The following DNAH12 variants were observed in gnomAD, a reference collection of about 807,000 sequenced individuals.
The protein encoded by DNAH12 is axonemal beta dynein heavy chain 12.
Under a neutral mutation model 371.5 loss-of-function variants are expected in DNAH12, and 285 were observed. That is an observed-to-expected ratio of 0.77 (90% CI 0.70 to 0.85). The LOEUF (loss-of-function observed/expected upper bound fraction) is 0.85, where lower values mean the gene tolerates loss of function less well. Ranked by LOEUF, DNAH12 falls within the 40% of genes least tolerant of loss-of-function variation. The pLI is 0.00. For missense variants in DNAH12, 3,611 were observed against 3,689.4 expected, an observed-to-expected ratio of 0.98 and a Z score of 0.55; for synonymous variants, 1,200 against 1,213.0, an observed-to-expected ratio of 0.99 and a Z score of 0.22.
chr3:57,405,504 A>T, intron 41 of DNAH12, 149 bp downstream of exon 41: 1 of 897,988 alleles, frequency 1.1e-6, no homozygotes, highest in Non-Finnish European at 1.7e-6. Flanking sequence ...TTTCCTATGA[A>T]GATAAATCTT....
intron 26 of DNAH12, 112 bp from the exon 27 acceptor site, chr3:57,446,382 C>T: frequency 7.0e-6 from 10 of 1,432,830 alleles, no homozygotes; most frequent in Admixed American, 2.7e-5. Flanking sequence ...AGTAAAAGTT[C>T]CAAGGATAAA....
At position 57,483,623 on chromosome 3, in the gene DNAH12, A is replaced by G; in HGVS notation, c.1515-112T>C. On this transcript the variant is annotated intron_variant, in intron 12 of 73. Coordinates refer to ENST00000495027, the MANE Select transcript of DNAH12 (RefSeq NM_001366028.2). ...ATAAGAACTATGATATCCTAAAAAA[A>G]TTGCTTGATTCACTAAGGTATCTTA... 8.1e-6 allele frequency: 10 copies of G among 1,238,182 alleles called. No individual in the cohort carries two copies. In the South Asian group the frequency reaches 1.7e-4, roughly 21 times the overall value. 76.7% of individuals were successfully genotyped at this position (1,238,182 alleles called of 1,614,324 possible).
At chr3:57,500,159 C>CA (rs1553711818) in intron 11 of DNAH12, among the ~76,000 whole-genome samples, 22 of 32,006 alleles carry the variant, frequency 6.9e-4, no homozygotes, top group Middle Eastern at 0.023. Flanking sequence ...TACTCCTCAG[C>CA]CCCCCCTAGT....
At chr3:57,297,970 A>C (rs908013400) in intron 70 of DNAH12, among the ~76,000 whole-genome samples, 3 of 152,226 alleles carry the variant, frequency 2.0e-5, no homozygotes, top group African/African-American at 4.8e-5. Flanking sequence ...TAGATACTTC[A>C]CAATCCATCC....
At chr3:57,506,344 A>C (rs2067758478) in intron 8 of DNAH12, among the ~76,000 whole-genome samples, 1 of 152,180 alleles carries the variant, frequency 6.6e-6, no homozygotes, top group South Asian at 2.1e-4. Flanking sequence ...GAAATTTACC[A>C]CTGTGGGAAT....
intron 25 of DNAH12, 53 bp from the exon 26 acceptor site, chr3:57,446,742 AAC>A (rs1190982763): frequency 2.2e-5 from 30 of 1,386,050 alleles, no homozygotes; most frequent in Non-Finnish European, 2.8e-5. Context: ...TTAAAAAAAC[AAC>A]AGACACTTGT....
chr3:57,412,671 A>T (rs936349976), intron 39 of DNAH12, among the ~76,000 whole-genome samples: 4 of 152,198 alleles, frequency 2.6e-5, no homozygotes, highest in African/African-American at 7.2e-5. Flanking sequence ...AGAGAGGGCA[A>T]ATAAACATAT....
Position 57,461,692 on chromosome 3 carries a change from A to G in DNAH12, c.2536-3T>C. On this transcript the variant is annotated splice_polypyrimidine_tract_variant and splice_region_variant and intron_variant, in intron 18 of 73. Transcript: ENST00000495027. ...ATGGCTTTCTCTAATGAAAATTCCTAAAACGGAGGAATGAAGAAAGAACGG... is the reference window on the plus strand; with the variant it reads ...ATGGCTTTCTCTAATGAAAATTCCTGAAACGGAGGAATGAAGAAAGAACGG... 6.5e-7 allele frequency: 1 copy of G among 1,548,802 alleles called. No homozygotes were observed. The highest frequency in any genetic ancestry group is 8.7e-7 in the Non-Finnish European group (1 of 1,145,836).
At chr3:57,511,074 T>G in intron 4 of DNAH12, 95 bp from the exon 5 acceptor site, 1 of 835,242 alleles carries the variant, frequency 1.2e-6, no homozygotes, top group Non-Finnish European at 1.7e-6. Flanking sequence ...TTTTTTCAGA[T>G]TAAAAATATT....
At chr3:57,425,691 A>G (rs1270201512) in intron 34 of DNAH12, among the ~76,000 whole-genome samples, 2 of 152,250 alleles carry the variant, frequency 1.3e-5, no homozygotes, top group African/African-American at 2.4e-5. Flanking sequence ...ACAATCGCAC[A>G]TAATACATTC....
At chr3:57,360,757 C>G (rs892872886) in intron 58 of DNAH12, among the ~76,000 whole-genome samples, 1,584 of 152,232 alleles carry the variant, frequency 0.01, 18 homozygotes, top group African/African-American at 0.036. Flanking sequence ...GGGAGCAGTG[C>G]AGAGATGATG....
At chr3:57,527,854 T>C (rs1398893153) in intron 2 of DNAH12, among the ~76,000 whole-genome samples, 1 of 152,204 alleles carries the variant, frequency 6.6e-6, no homozygotes, top group Non-Finnish European at 1.5e-5. Flanking sequence ...TGTTATTTCC[T>C]TTGCTGTGAG....
intron 35 of DNAH12, among the ~76,000 whole-genome samples, chr3:57,424,731 G>C (rs995497724): frequency 6.7e-6 from 1 of 149,704 alleles, no homozygotes; most frequent in African/African-American, 2.5e-5. Flanking sequence ...GTTGTATTAA[G>C]CTGAGATCAC....
intron 18 of DNAH12, 71 bp downstream of exon 18, chr3:57,462,619 C>T: frequency 6.7e-7 from 1 of 1,494,528 alleles, no homozygotes; most frequent in East Asian, 2.5e-5. Flanking sequence ...ACATTCAACC[C>T]CAACAAAAAC....
At chr3:57,317,579 C>T (rs935903074) in intron 65 of DNAH12, among the ~76,000 whole-genome samples, 2 of 152,048 alleles carry the variant, frequency 1.3e-5, no homozygotes, top group African/African-American at 2.4e-5. Flanking sequence ...TAATATTCTA[C>T]GAATGGGCAT....
At chr3:57,325,430 T>G (rs538969539) in intron 62 of DNAH12, among the ~76,000 whole-genome samples, 27 of 152,356 alleles carry the variant, frequency 1.8e-4, no homozygotes, top group Non-Finnish European at 2.9e-5. Flanking sequence ...ACCACTGTTC[T>G]GCAAACACCT....
intron 60 of DNAH12, among the ~76,000 whole-genome samples, chr3:57,343,509 G>A (rs554120580): frequency 2.0e-5 from 3 of 152,368 alleles, no homozygotes; most frequent in Admixed American, 6.5e-5. Flanking sequence ...AATGCACTGC[G>A]GAAAGCCGCA....
chr3:57,361,444 C>CACTATACATATATATATATATATATA (rs1409626573), intron 58 of DNAH12, among the ~76,000 whole-genome samples: 1 of 116,722 alleles, frequency 8.6e-6, no homozygotes, highest in African/African-American at 4.2e-5. Context: ...CACACACACA[C>CACTATACATATATATATATATATATA]TATATATATA....
intron 58 of DNAH12, among the ~76,000 whole-genome samples, chr3:57,359,457 G>T (rs1368873539): frequency 6.0e-5 from 9 of 151,148 alleles, no homozygotes; most frequent in African/African-American, 2.2e-4. Flanking sequence ...TACTCCAGAG[G>T]CTGAGGCAGG....
Sources: allele counts gnomAD v4.1 joint callset (sites outside exome capture counted in the v4.1 genomes callset), GRCh38; gene constraint gnomAD v4.1.1; transcripts MANE v1.5; gene names NCBI Gene and HGNC (gene_info 2026-07-23, HGNC 2026-07-21).